Variants in DENND2B observed in about 807,000 individuals in gnomAD.
DENND2B encodes DENN domain containing 2B, also known as DENN domain-containing protein 2B.
A neutral mutation model predicts 116.0 loss-of-function variants in DENND2B; 32 were observed. The observed-to-expected ratio is 0.28, with a 90% CI of 0.21 to 0.37. DENND2B has a LOEUF of 0.37. Ranked by LOEUF, DENND2B falls within the 10% of genes least tolerant of loss-of-function variation. The probability of loss-of-function intolerance (pLI) is 1.00; values close to 1 mark genes in which losing one functional copy is unlikely to be tolerated. For missense variants in DENND2B, 1,276 were observed against 1,477.7 expected (o/e 0.86, Z 2.24); for synonymous variants, 588 against 583.9 (o/e 1.01, Z -0.10).
intron 13 of DENND2B, among the ~76,000 whole-genome samples, chr11:8,704,701 CAT>C (rs2042294389): frequency 1.3e-5 from 2 of 152,110 alleles, no homozygotes; most frequent in African/African-American, 2.4e-5. Context: ...TCTATTTTGA[CAT>C]ATGTATTTTT....
intron 1 of DENND2B, among the ~76,000 whole-genome samples, chr11:8,771,240 T>C (rs1451343096): frequency 6.6e-6 from 1 of 152,002 alleles, no homozygotes; most frequent in African/African-American, 2.4e-5. Context: ...AAAGCTAAAA[T>C]GGGTTTTAGA....
intron 1 of DENND2B, among the ~76,000 whole-genome samples, chr11:8,909,092 C>T (rs1176578351): frequency 6.6e-6 from 1 of 152,002 alleles, no homozygotes; most frequent in African/African-American, 2.4e-5. Flanking sequence ...GAAGCTCAGT[C>T]TAAAGAAGTT....
At chr11:8,720,428 C>A (rs2045960926) in intron 4 of DENND2B, among the ~76,000 whole-genome samples, 1 of 152,204 alleles carries the variant, frequency 6.6e-6, no homozygotes, top group Admixed American at 6.5e-5. Flanking sequence ...GGGAAAACAG[C>A]CAGCAACATC....
At position 8,707,400 on chromosome 11, in the gene DENND2B, A is replaced by G; in HGVS notation, c.2431-175T>C. On this transcript the variant is annotated intron_variant, in intron 12 of 19. Transcript: ENST00000313726. This position sits in a 1 kb window ranked among gnomAD's most constrained non-coding sequence, Gnocchi z 4.8. ...ACCCTTCCCGTTTTCCTTGGCACTC[A>G]GTGACTCCTCTGTTCCCTAACTGGC... 1 of 835,698 alleles carries G rather than the reference A, an allele frequency of 1.2e-6. No individual in the cohort carries two copies. Among genetic ancestry groups the G allele is most frequent in the Admixed American group, 3.0e-5 (1 of 33,606 alleles). The allele number at this position is 835,698 out of a possible 1,614,324, so 51.8% of individuals were successfully genotyped here.
chr11:8,728,428 C>T (rs2047508163), intron 3 of DENND2B, among the ~76,000 whole-genome samples: 1 of 152,220 alleles, frequency 6.6e-6, no homozygotes, highest in South Asian at 2.1e-4. Flanking sequence ...ACAGAACAGA[C>T]TGCACTTCTG....
intron 4 of DENND2B, among the ~76,000 whole-genome samples, chr11:8,836,406 T>G (rs537699851): frequency 1.4e-5 from 2 of 143,012 alleles, no homozygotes; most frequent in Non-Finnish European, 3.0e-5. Flanking sequence ...AGCATCCTTC[T>G]GTACTTCTTT....
intron 2 of DENND2B, among the ~76,000 whole-genome samples, chr11:8,744,355 A>C (rs1480205805): frequency 1.3e-5 from 2 of 152,040 alleles, no homozygotes; most frequent in Non-Finnish European, 2.9e-5. Context: ...GCTGGTCTCG[A>C]ACTCCTGATC....
intron 1 of DENND2B, among the ~76,000 whole-genome samples, chr11:8,802,250 G>A (rs920162245): frequency 6.7e-6 from 1 of 150,208 alleles, no homozygotes; most frequent in East Asian, 2.0e-4. Context: ...GCAGTGAGCC[G>A]AGATCGTGCC....
At chr11:8,696,358 T>C in intron 18 of DENND2B, 69 bp downstream of exon 18, 3 of 1,584,630 alleles carry the variant, frequency 1.9e-6, no homozygotes, top group Middle Eastern at 1.7e-4. Context: ...GCTTCCATCA[T>C]AGTGCCTGGT....
Position 8,696,571 on chromosome 11 carries a change from T to C in DENND2B, c.3148A>G (p.Lys1050Glu), listed in dbSNP as rs2040391875. The C allele has an allele frequency of 6.2e-7, 1 of 1,613,994 alleles. No individual in the cohort carries two copies. The part of the protein sequence containing the change: ...HYSLFLTQSE[K>E]GERAFQREAF... ...TCTCGCTGAAAGGCCCTCTCTCCCT[T>C]CTCACTCTGTGTCAGAAAGAGGGAG... Residue 1050 changes from lysine to glutamate, a missense_variant, in exon 18 of 20, where the codon AAG (lysine) becomes GAG (glutamate). By Grantham distance (56) the Lys-to-Glu change is moderately conservative. This residue lies in a region of DENND2B where 420 missense variants were observed against 631.1 expected (regional missense o/e 0.67). Transcript: ENST00000313726.
chr11:8,698,166 A>AAAAAAAG lies in DENND2B; in HGVS notation c.2941-531_2941-530insCTTTTTT, dbSNP rs1555092981. On this transcript the variant is annotated intron_variant, in intron 16 of 19. Coordinates refer to ENST00000313726, the MANE Select transcript of DENND2B (RefSeq NM_213618.2). Reference sequence around the variant, plus strand: ...AAAAAAAAAAAAAAAAAAAAAAAAAAGGGGGTAGAGCCAGTGTGGCATTCA... The same window carrying AAAAAAAG: ...AAAAAAAAAAAAAAAAAAAAAAAAAAAAAAAAGGGGGGTAGAGCCAGTGTGGCATTCA... Among the ~76,000 whole-genome samples, 396 of 129,376 alleles carry AAAAAAAG rather than the reference A, an allele frequency of 3.1e-3. 9 individuals are homozygous for AAAAAAAG. The highest frequency in any genetic ancestry group is 4.5e-3 in the Non-Finnish European group (280 of 61,786). 84.9% of individuals were successfully genotyped at this position (129,376 alleles called of 152,430 possible).
At chr11:8,717,371 CCT>C (rs1338321844) in intron 5 of DENND2B, among the ~76,000 whole-genome samples, 1 of 152,204 alleles carries the variant, frequency 6.6e-6, no homozygotes, top group Non-Finnish European at 1.5e-5. Context: ...CCACTAGGGC[CCT>C]GTCTTCCTGT....
intron 2 of DENND2B, among the ~76,000 whole-genome samples, chr11:8,864,946 A>C (rs1178305976): frequency 6.6e-6 from 1 of 152,222 alleles, no homozygotes; most frequent in African/African-American, 2.4e-5. Flanking sequence ...CATCAAAGAA[A>C]GAAAAAAGCC....
chr11:8,870,524 TGCGC>T (rs879620251), intron 2 of DENND2B, among the ~76,000 whole-genome samples: 1 of 114,538 alleles, frequency 8.7e-6, no homozygotes, highest in African/African-American at 2.9e-5. Context: ...TGTGTGTGTG[TGCGC>T]GCGCGCGCGC....
chr11:8,836,567 A>G (rs2062436811), intron 4 of DENND2B, among the ~76,000 whole-genome samples: 2 of 151,718 alleles, frequency 1.3e-5, no homozygotes. Context: ...GATTACAGGC[A>G]TTCGCCACCA....
intron 1 of DENND2B, among the ~76,000 whole-genome samples, chr11:8,763,795 TA>T (rs970025403): frequency 6.6e-6 from 1 of 152,166 alleles, no homozygotes; most frequent in East Asian, 1.9e-4. Context: ...GGTTCAGTTG[TA>T]AAAATTTGTT....
intron 1 of DENND2B, among the ~76,000 whole-genome samples, chr11:8,774,877 A>ATTTTTTTTTTTTTTTTTTTTT (rs1565919434): frequency 1.4e-5 from 2 of 143,732 alleles, no homozygotes; most frequent in African/African-American, 5.2e-5. Flanking sequence ...TTTTTTTTTA[A>ATTTTTTTTTTTTTTTTTTTTT]TTATTATTTT....
chr11:8,808,486 C>G (rs1339412725), intron 1 of DENND2B: 1 of 152,216 alleles, frequency 6.6e-6, no homozygotes, highest in African/African-American at 2.4e-5. Flanking sequence ...AAACATCACT[C>G]TTATGAAACG....
At chr11:8,718,824 C>G in intron 4 of DENND2B, 1 of 1,000,922 alleles carries the variant, frequency 1.0e-6, no homozygotes, top group Non-Finnish European at 1.2e-6. Flanking sequence ...CACTCCTTTC[C>G]ACAAGCTGTA....
Sources: gnomAD v4.1 joint callset for allele counts (sites outside exome capture counted in the v4.1 genomes callset) on GRCh38, gnomAD v4.1.1 for gene constraint, gnomAD v4.1.1 regional missense constraint, Gnocchi (gnomAD v3.1) non-coding constraint, MANE v1.5 for transcripts, NCBI Gene and HGNC (gene_info 2026-07-23, HGNC 2026-07-21) for gene names.